Variants in PTPRD observed in about 807,000 individuals in gnomAD.
PTPRD encodes protein tyrosine phosphatase receptor type D.
PTPRD carries 34 observed loss-of-function variants against 214.5 expected under a neutral mutation model. The observed-to-expected ratio is 0.16, with a 90% confidence interval of 0.12 to 0.21. The LOEUF is 0.21. PTPRD is among the 10% of genes least tolerant of loss of function. The probability of loss-of-function intolerance (pLI) is 1.00; values close to 1 mark genes in which losing one functional copy is unlikely to be tolerated. For synonymous variants in PTPRD, 1,128 were observed against 845.7 expected (o/e 1.33, Z -5.79); for missense variants, 2,545 against 2,398.7 (o/e 1.06, Z -1.27).
At chr9:10,046,790 A>G (rs1447007745) in intron 3 of PTPRD, among the ~76,000 whole-genome samples, 9 of 151,988 alleles carry the variant, frequency 5.9e-5, no homozygotes, top group African/African-American at 9.7e-5. Context: ...TAATATTTCT[A>G]TAGTGAAGAC....
chr9:9,499,433 T>C (rs772347877), intron 8 of PTPRD, among the ~76,000 whole-genome samples: 5 of 152,142 alleles, frequency 3.3e-5, no homozygotes, highest in Admixed American at 6.6e-5. Flanking sequence ...TGCCGAACTA[T>C]AGTTCATCAA....
intron 5 of PTPRD, among the ~76,000 whole-genome samples, chr9:9,872,214 G>C (rs1201666983): frequency 6.6e-6 from 1 of 152,156 alleles, no homozygotes; most frequent in Admixed American, 6.5e-5. Context: ...TAAAAGTGTA[G>C]GCTCTGAAGG....
chr9:8,691,819 A>G (rs916100506), intron 12 of PTPRD, among the ~76,000 whole-genome samples: 2 of 152,188 alleles, frequency 1.3e-5, no homozygotes, highest in African/African-American at 4.8e-5. Context: ...AACTTTATGC[A>G]ACTTTATTTT....
chr9:8,986,723 C>G (rs10116364), intron 11 of PTPRD, among the ~76,000 whole-genome samples: 5,928 of 152,020 alleles, frequency 0.039, 243 homozygotes, highest in African/African-American at 0.1. Flanking sequence ...GCCTGATTAA[C>G]TAGATTGGGA....
At chr9:9,082,793 C>G (rs2099761191) in intron 10 of PTPRD, among the ~76,000 whole-genome samples, 1 of 152,044 alleles carries the variant, frequency 6.6e-6, no homozygotes, top group Non-Finnish European at 1.5e-5. Flanking sequence ...AGTGAACTCC[C>G]ATTCATAATT....
chr9:8,977,780 TAA>T (rs540116974), intron 11 of PTPRD, among the ~76,000 whole-genome samples: 2 of 151,516 alleles, frequency 1.3e-5, no homozygotes, highest in Non-Finnish European at 2.9e-5. Context: ...AAGGAGACAG[TAA>T]AGAGAGTTTT....
At chr9:9,912,450 G>A (rs747225621) in intron 5 of PTPRD, among the ~76,000 whole-genome samples, 1 of 152,114 alleles carries the variant, frequency 6.6e-6, no homozygotes, top group African/African-American at 2.4e-5. Context: ...GGACTCCTCA[G>A]CATAAAATAA....
intron 11 of PTPRD, among the ~76,000 whole-genome samples, chr9:8,950,158 A>C (rs868415856): frequency 6.6e-6 from 1 of 152,142 alleles, no homozygotes; most frequent in Admixed American, 6.6e-5. Context: ...TAAATTTGTT[A>C]GTTTCTAATG....
intron 10 of PTPRD, among the ~76,000 whole-genome samples, chr9:9,118,205 A>G (rs2099814181): frequency 6.6e-6 from 1 of 152,202 alleles, no homozygotes; most frequent in Non-Finnish European, 1.5e-5. Context: ...AAAGTATTTA[A>G]ATATGCTTTT....
chr9:9,847,002 GA>G (rs981551121), intron 5 of PTPRD, among the ~76,000 whole-genome samples: 3 of 151,914 alleles, frequency 2.0e-5, no homozygotes, highest in Non-Finnish European at 4.4e-5. Flanking sequence ...GAGTATGCCA[GA>G]AAAAAATAAA....
At chr9:9,946,397 T>C (rs1026396304) in intron 4 of PTPRD, among the ~76,000 whole-genome samples, 1 of 152,114 alleles carries the variant, frequency 6.6e-6, no homozygotes, top group Non-Finnish European at 1.5e-5. Context: ...GTGAGTGGCA[T>C]GTAAGAGGTT....
chr9:10,045,100 T>C (rs937204288), intron 3 of PTPRD, among the ~76,000 whole-genome samples: 1 of 151,792 alleles, frequency 6.6e-6, no homozygotes, highest in African/African-American at 2.4e-5. Context: ...AAATGAGGTC[T>C]GGTAATCATC....
chr9:9,606,889 G>C (rs542938346), intron 7 of PTPRD, among the ~76,000 whole-genome samples: 1 of 137,612 alleles, frequency 7.3e-6, no homozygotes, highest in African/African-American at 2.7e-5. Flanking sequence ...TCGAGAATAG[G>C]TTCGCCTAAC....
chr9:9,684,334 C>T (rs565343834), intron 7 of PTPRD, among the ~76,000 whole-genome samples: 35 of 151,762 alleles, frequency 2.3e-4, no homozygotes, highest in African/African-American at 8.0e-4. Context: ...TCTTTTCTAG[C>T]ATCCAGATCC....
At chr9:10,113,234 A>C (rs2098705839) in intron 3 of PTPRD, among the ~76,000 whole-genome samples, 1 of 152,192 alleles carries the variant, frequency 6.6e-6, no homozygotes, top group African/African-American at 2.4e-5. Flanking sequence ...TTTCATAAAA[A>C]ATTTATTTGT....
chr9:9,753,298 TAA>T lies in PTPRD; in HGVS notation c.-326+13510_-326+13511del, dbSNP rs140574365. ...CCAAAACGTTTCAAAAAACACTCAA[TAA>T]CACCAATACAGGGACCCCTCTGGAC... is the stretch of plus-strand genomic sequence containing the variant. On this transcript the variant is annotated intron_variant, in intron 6 of 45. Transcript: ENST00000381196. 3.5e-3 allele frequency among the ~76,000 whole-genome samples: 535 copies of T among 152,022 alleles called. 2 individuals carry two copies. Among genetic ancestry groups the T allele is most frequent in the Non-Finnish European group, 6.4e-3 (432 of 67,900 alleles).
chr9:9,759,549 G>C (rs2098631321), intron 6 of PTPRD, among the ~76,000 whole-genome samples: 1 of 140,704 alleles, frequency 7.1e-6, no homozygotes, highest in Non-Finnish European at 1.5e-5. Flanking sequence ...AATAGTCAAG[G>C]TCTGTCTTTT....
At chr9:8,873,435 A>C (rs1285092263) in intron 11 of PTPRD, among the ~76,000 whole-genome samples, 1 of 152,148 alleles carries the variant, frequency 6.6e-6, no homozygotes, top group African/African-American at 2.4e-5. Flanking sequence ...GGGATTGAAG[A>C]GGATTGATTT....
intron 11 of PTPRD, among the ~76,000 whole-genome samples, chr9:8,870,408 C>A (rs1033807088): frequency 6.6e-6 from 1 of 151,938 alleles, no homozygotes; most frequent in African/African-American, 2.4e-5. Context: ...GAATGAAATA[C>A]ACTTGACTAG....
Sources: gnomAD v4.1 joint callset for allele counts (sites outside exome capture counted in the v4.1 genomes callset) on GRCh38, gnomAD v4.1.1 for gene constraint, MANE v1.5 for transcripts, NCBI Gene and HGNC (gene_info 2026-07-23, HGNC 2026-07-21) for gene names.